The following PLPP1 variants were observed in gnomAD, a reference collection of about 807,000 sequenced individuals.
The protein encoded by PLPP1 is lipid phosphate phosphohydrolase 1a.
PLPP1 carries 24 observed loss-of-function variants against 31.2 expected under a neutral mutation model. The ratio of observed to expected loss-of-function variants is 0.77; its 90% confidence interval spans 0.56 to 1.08. PLPP1 has a LOEUF of 1.08. Ranked by LOEUF, PLPP1 falls within the 50% of genes least tolerant of loss-of-function variation. The pLI, the probability that PLPP1 is intolerant of heterozygous loss-of-function variation, is 0.00. For synonymous variants in PLPP1, 146 were observed against 126.3 expected, an observed-to-expected ratio of 1.16 and a Z score of -1.05; for missense variants, 319 against 342.7, an observed-to-expected ratio of 0.93 and a Z score of 0.55.
chr5:55,469,857 G>A (rs1417101998), intron 2 of PLPP1, among the ~76,000 whole-genome samples: 1 of 152,160 alleles, frequency 6.6e-6, no homozygotes, highest in Non-Finnish European at 1.5e-5. Flanking sequence ...ACTCTACAAG[G>A]TAAGGAGGAT....
At chr5:55,450,388 TATC>T (rs1345734840) in intron 3 of PLPP1, among the ~76,000 whole-genome samples, 1 of 152,332 alleles carries the variant, frequency 6.6e-6, no homozygotes, top group East Asian at 1.9e-4. Flanking sequence ...TAGAACTTGT[TATC>T]ATGTGTGTCT....
intron 1 of PLPP1, among the ~76,000 whole-genome samples, chr5:55,485,806 C>T (rs975409004): frequency 6.6e-6 from 1 of 152,052 alleles, no homozygotes; most frequent in Non-Finnish European, 1.5e-5. Flanking sequence ...TCAATATTAT[C>T]AAAACTTATG....
At chr5:55,432,899 CAG>C (rs1561220953) in intron 4 of PLPP1, among the ~76,000 whole-genome samples, 1 of 151,788 alleles carries the variant, frequency 6.6e-6, no homozygotes, top group Non-Finnish European at 1.5e-5. Context: ...CCATCCTAAA[CAG>C]GGAAAAGCTG....
At chr5:55,494,356 G>C (rs991261011) in intron 1 of PLPP1, among the ~76,000 whole-genome samples, 1 of 152,190 alleles carries the variant, frequency 6.6e-6, no homozygotes, top group Non-Finnish European at 1.5e-5. Context: ...CAAATGCTGA[G>C]GCAGACCTGA....
chr5:55,456,122 A>G (rs1752000246), intron 3 of PLPP1, among the ~76,000 whole-genome samples: 1 of 152,184 alleles, frequency 6.6e-6, no homozygotes, highest in African/African-American at 2.4e-5. Context: ...TTTACAGTAA[A>G]TTCTCATATA....
chr5:55,457,588 G>A (rs114008779), intron 3 of PLPP1, among the ~76,000 whole-genome samples: 2 of 152,078 alleles, frequency 1.3e-5, no homozygotes, highest in African/African-American at 4.8e-5. Flanking sequence ...ACCTGAACCA[G>A]AGAAATAATA....
In PLPP1 at chr5:55,513,268, C is replaced by CTTTTTTTTTTTTTTTTTT. The variant is rs71600887; in HGVS notation, c.58+21303_58+21304insAAAAAAAAAAAAAAAAAA. On this transcript the variant is annotated intron_variant, in intron 1 of 5. Transcript: ENST00000307259. ...TATAGTATTACTACTATAATGACTC[C>CTTTTTTTTTTTTTTTTTT]TTTTTTTTTAAGACAGAGTCTTGCT... is the stretch of plus-strand genomic sequence containing the variant. 1.7e-5 allele frequency among the ~76,000 whole-genome samples: 2 copies of CTTTTTTTTTTTTTTTTTT among 117,550 alleles called. 1 individual carries two copies. Among genetic ancestry groups the CTTTTTTTTTTTTTTTTTT allele is most frequent in the Non-Finnish European group, 3.5e-5 (2 of 56,992 alleles). 77.1% of individuals were successfully genotyped at this position (117,550 alleles called of 152,430 possible).
Position 55,467,309 on chromosome 5 carries a change from A to G in PLPP1, c.491+560T>C, listed in dbSNP as rs372904692. Reference sequence around the variant, plus strand: ...GGAACATAGCCACATTATTCATTTAAGTATTGTCTATGGCTGCTTTCTTGC... The same window carrying G: ...GGAACATAGCCACATTATTCATTTAGGTATTGTCTATGGCTGCTTTCTTGC... On this transcript the variant is annotated intron_variant, in intron 3 of 5. Transcript: ENST00000307259. Among the ~76,000 whole-genome samples, 3 of 152,288 alleles carry G rather than the reference A, an allele frequency of 2.0e-5. No homozygotes were observed. In the South Asian group the frequency reaches 6.2e-4, roughly 32 times the overall value.
At chr5:55,534,447 C>T (rs981554380) in intron 1 of PLPP1, 125 bp downstream of exon 1, 32 of 1,028,110 alleles carry the variant, frequency 3.1e-5, no homozygotes, top group Non-Finnish European at 4.1e-5. Context: ...AGAAGCCGCC[C>T]CCGTGTGTCG....
At chr5:55,498,133 C>G (rs980424949) in intron 1 of PLPP1, among the ~76,000 whole-genome samples, 2 of 151,742 alleles carry the variant, frequency 1.3e-5, no homozygotes, top group Non-Finnish European at 2.9e-5. Flanking sequence ...TTTATAGAGT[C>G]TATATTAAGA....
chr5:55,512,465 T>G (rs1753436476), intron 1 of PLPP1, among the ~76,000 whole-genome samples: 4 of 18,676 alleles, frequency 2.1e-4, no homozygotes, highest in Non-Finnish European at 2.5e-4. Flanking sequence ...AGCAAGACTG[T>G]CTCAAAAAAA....
At chr5:55,463,432 C>A (rs147331821) in intron 3 of PLPP1, among the ~76,000 whole-genome samples, 2 of 151,986 alleles carry the variant, frequency 1.3e-5, no homozygotes, top group Non-Finnish European at 2.9e-5. Context: ...GAGGCTGAGG[C>A]GAGTAGATCA....
intron 1 of PLPP1, among the ~76,000 whole-genome samples, chr5:55,486,269 T>C (rs1051220303): frequency 6.6e-6 from 1 of 152,168 alleles, no homozygotes; most frequent in Non-Finnish European, 1.5e-5. Context: ...GAGGTAGTCA[T>C]CTGTTTTTCA....
intron 1 of PLPP1, among the ~76,000 whole-genome samples, chr5:55,497,921 T>C (rs188415289): frequency 6.6e-6 from 1 of 152,166 alleles, no homozygotes; most frequent in African/African-American, 2.4e-5. Context: ...CTGCCAGTGC[T>C]ATCCATTGTC....
intron 1 of PLPP1, among the ~76,000 whole-genome samples, chr5:55,497,693 G>A (rs1753032446): frequency 6.6e-6 from 1 of 152,096 alleles, no homozygotes; most frequent in Admixed American, 6.6e-5. Flanking sequence ...CCCCAAACTG[G>A]GTAATTTAAG....
rs1395987925 is a variant in PLPP1 at position 55,531,943 on chromosome 5, G to C, written c.58+2629C>G. The stretch of plus-strand genomic sequence containing the variant: ...TCTGAGCTTATAGTGATAATATGCT[G>C]AATTACTTTAAAAGAAATGCCAGTA... On this transcript the variant is annotated intron_variant, in intron 1 of 5. Transcript: ENST00000307259. Among the ~76,000 whole-genome samples the C allele has an allele frequency of 3.9e-5, 6 of 152,144 alleles. No homozygotes were observed. The South Asian group carries it at 1.0e-3, about 26-fold the overall frequency.
At chr5:55,525,453 A>AG (rs1352858620) in intron 1 of PLPP1, among the ~76,000 whole-genome samples, 1 of 152,228 alleles carries the variant, frequency 6.6e-6, no homozygotes, top group Non-Finnish European at 1.5e-5. Flanking sequence ...TACATAGACT[A>AG]GTTTTTCATA....
intron 1 of PLPP1, among the ~76,000 whole-genome samples, chr5:55,523,216 ATT>A (rs1753711102): frequency 6.6e-6 from 1 of 152,130 alleles, no homozygotes; most frequent in Admixed American, 6.5e-5. Context: ...TCAACCATTT[ATT>A]CTTTGTGTTA....
intron 4 of PLPP1, among the ~76,000 whole-genome samples, chr5:55,434,995 T>C (rs1420497816): frequency 6.6e-6 from 1 of 152,166 alleles, no homozygotes; most frequent in Non-Finnish European, 1.5e-5. Context: ...TTGCCAAGTA[T>C]TTATCCAGCA....
Sources: allele counts gnomAD v4.1 joint callset (sites outside exome capture counted in the v4.1 genomes callset), GRCh38; gene constraint gnomAD v4.1.1; transcripts MANE v1.5; gene names NCBI Gene and HGNC (gene_info 2026-07-23, HGNC 2026-07-21).